The following LTBP1 variants were observed in gnomAD, a reference collection of about 807,000 sequenced individuals.
The protein encoded by LTBP1 is latent-transforming growth factor beta-binding protein 1.
A neutral mutation model predicts 207.6 loss-of-function variants in LTBP1; 129 were observed. The observed-to-expected ratio is 0.62, with a 90% CI of 0.54 to 0.72. The LOEUF (loss-of-function observed/expected upper bound fraction) is 0.72. LTBP1 is among the 30% of genes least tolerant of loss of function. LTBP1 has a pLI of 0.00. For missense variants in LTBP1, 2,281 were observed against 2,217.2 expected (o/e 1.03, Z -0.58); for synonymous variants, 963 against 833.7 (o/e 1.16, Z -2.67).
chr2:33,237,227 A>G (rs1039395412), intron 9 of LTBP1, among the ~76,000 whole-genome samples: 1 of 152,114 alleles, frequency 6.6e-6, no homozygotes, highest in African/African-American at 2.4e-5. Flanking sequence ...GTGCAGAAAA[A>G]CCAAGTTAAA....
chr2:33,254,036 CCCA>C lies in LTBP1; in HGVS notation c.2167+1200_2167+1202del, dbSNP rs547815470. On this transcript the variant is annotated intron_variant, in intron 11 of 33. Transcript: ENST00000404816. ...TCCCAAGTAGCTGGGACTACAGGCA[CCCA>C]CCACCACGCCTGGCTAATTTTCTTT... is the stretch of plus-strand genomic sequence containing the variant. Among the ~76,000 whole-genome samples, 13 of 151,798 alleles carry C rather than the reference CCCA, an allele frequency of 8.6e-5. No homozygotes were observed. The South Asian group carries it at 2.7e-3, about 32-fold the overall frequency.
chr2:33,083,790 C>T (rs576198663), intron 3 of LTBP1, among the ~76,000 whole-genome samples: 21 of 152,074 alleles, frequency 1.4e-4, no homozygotes, highest in African/African-American at 5.1e-4. Flanking sequence ...CTCTAGAGGT[C>T]GAGAAACGAT....
At chr2:33,113,006 T>A (rs1251935864) in intron 4 of LTBP1, among the ~76,000 whole-genome samples, 1 of 152,182 alleles carries the variant, frequency 6.6e-6, no homozygotes, top group African/African-American at 2.4e-5. Flanking sequence ...TCTGATTCTT[T>A]AGAAAAATAG....
intron 8 of LTBP1, 117 bp downstream of exon 8, chr2:33,217,771 G>C: frequency 1.3e-6 from 1 of 762,300 alleles, no homozygotes; most frequent in Admixed American, 2.2e-5. Flanking sequence ...CTGAATTCTA[G>C]AATGTAGTAC....
chr2:33,197,723 TATGAAA>T (rs1437420010), intron 7 of LTBP1, among the ~76,000 whole-genome samples: 1 of 152,144 alleles, frequency 6.6e-6, no homozygotes, highest in East Asian at 1.9e-4. Flanking sequence ...TGCCAGATGG[TATGAAA>T]AGGCCTTCTA....
chr2:33,315,213 T>G lies in LTBP1; in HGVS notation c.3674T>G (p.Phe1225Cys), dbSNP rs1349065112. The change falls in exon 24 of 34, where the codon TTC (phenylalanine) becomes TGC (cysteine). Residue 1225 changes from phenylalanine (F) to cysteine (C), a missense_variant. By Grantham distance (205) the Phe-to-Cys change is radical. This residue lies in a region of LTBP1 where 1,671 missense variants were observed against 1,634.8 expected (regional missense o/e 1.02). Coordinates refer to ENST00000404816, the MANE Select transcript of LTBP1 (RefSeq NM_206943.4). ...GAGTGCCTAAACACAGAGGGTTCTT[T>G]CCATTGTGTCTGCCAGCAGGGTTTC... ...QGECLNTEGSFHCVCQQGFSI... is the reference protein window; with the variant it reads ...QGECLNTEGSCHCVCQQGFSI... 1 of 1,613,790 alleles carries G rather than the reference T, an allele frequency of 6.2e-7. No individual in the cohort carries two copies. Among genetic ancestry groups the G allele is most frequent in the Non-Finnish European group, 8.5e-7 (1 of 1,179,876 alleles).
chr2:33,336,465 G>A (rs1163434515), intron 24 of LTBP1, among the ~76,000 whole-genome samples: 15 of 151,966 alleles, frequency 9.9e-5, no homozygotes, highest in African/African-American at 1.9e-4. Flanking sequence ...TCAGTTTTCC[G>A]GTTATTAAAA....
At chr2:33,374,913 C>T (rs1464866424) in intron 31 of LTBP1, among the ~76,000 whole-genome samples, 10 of 152,164 alleles carry the variant, frequency 6.6e-5, no homozygotes, top group Admixed American at 4.6e-4. Context: ...GATTGTGCCA[C>T]TGCACTGCAG....
intron 3 of LTBP1, among the ~76,000 whole-genome samples, chr2:33,094,201 A>G (rs908922021): frequency 2.0e-5 from 3 of 152,198 alleles, no homozygotes; most frequent in Non-Finnish European, 2.9e-5. Flanking sequence ...CTTCAATGAC[A>G]TAAGAAGGTT....
chr2:33,171,868 A>AG (rs2085491236), intron 5 of LTBP1, among the ~76,000 whole-genome samples: 1 of 152,246 alleles, frequency 6.6e-6, no homozygotes, highest in East Asian at 1.9e-4. Context: ...TTCTTAAAAA[A>AG]AAGAATTTTC....
At chr2:33,361,398 T>TA in intron 27 of LTBP1, 31 bp from the exon 28 acceptor site, 1 of 535,888 alleles carries the variant, frequency 1.9e-6, no homozygotes, top group Non-Finnish European at 2.4e-6. Context: ...ATGTTGAATC[T>TA]TTTTTTTTTT....
intron 3 of LTBP1, among the ~76,000 whole-genome samples, chr2:33,046,915 A>G (rs913958246): frequency 6.6e-6 from 1 of 152,186 alleles, no homozygotes; most frequent in African/African-American, 2.4e-5. Context: ...GTCAAATAGT[A>G]TTCTCTGATG....
chr2:33,010,300 C>G (rs540576850), intron 2 of LTBP1, among the ~76,000 whole-genome samples: 1 of 152,278 alleles, frequency 6.6e-6, no homozygotes, highest in Admixed American at 6.5e-5. Context: ...GAGGAAGTGG[C>G]ATTACATCAT....
chr2:33,164,526 G>T (rs1270590256), intron 5 of LTBP1, among the ~76,000 whole-genome samples: 1 of 151,870 alleles, frequency 6.6e-6, no homozygotes, highest in Non-Finnish European at 1.5e-5. Context: ...CTTATTTATA[G>T]TATTTTAGTC....
chr2:33,218,174 A>T (rs1285157968), intron 8 of LTBP1, among the ~76,000 whole-genome samples: 1 of 152,238 alleles, frequency 6.6e-6, no homozygotes, highest in Non-Finnish European at 1.5e-5. Context: ...TCACTAGGAC[A>T]CAATTCTTTC....
At chr2:33,395,037 A>G (rs1223182865) in intron 32 of LTBP1, among the ~76,000 whole-genome samples, 1 of 152,144 alleles carries the variant, frequency 6.6e-6, no homozygotes, top group African/African-American at 2.4e-5. Flanking sequence ...TCCATGGTGT[A>G]TATGTACCAT....
intron 2 of LTBP1, among the ~76,000 whole-genome samples, chr2:33,017,550 A>G (rs1211157528): frequency 2.0e-5 from 3 of 152,208 alleles, no homozygotes; most frequent in Non-Finnish European, 4.4e-5. Flanking sequence ...CTGCTACTGC[A>G]TGGGCCCAAA....
At chr2:32,992,750 T>C (rs542151537) in intron 2 of LTBP1, among the ~76,000 whole-genome samples, 36 of 152,214 alleles carry the variant, frequency 2.4e-4, no homozygotes, top group African/African-American at 6.0e-4. Flanking sequence ...ACAGTTGTTA[T>C]TGCTGAATGT....
chr2:32,986,699 A>C (rs1683640763), intron 2 of LTBP1, among the ~76,000 whole-genome samples: 1 of 152,186 alleles, frequency 6.6e-6, no homozygotes, highest in African/African-American at 2.4e-5. Flanking sequence ...GGCCCTGATC[A>C]GGATCCTGTC....
Sources: allele counts gnomAD v4.1 joint callset (sites outside exome capture counted in the v4.1 genomes callset), GRCh38; gene constraint gnomAD v4.1.1; regional missense constraint gnomAD v4.1.1; transcripts MANE v1.5; gene names NCBI Gene and HGNC (gene_info 2026-07-23, HGNC 2026-07-21).